The following FAR2 variants were observed in gnomAD, a reference collection of about 807,000 sequenced individuals.
FAR2 encodes the protein fatty acyl-CoA reductase 2.
In FAR2, 19 loss-of-function variants were observed where a neutral mutation model predicts 56.0. The observed-to-expected ratio is 0.34, with a 90% CI of 0.24 to 0.50. The LOEUF (loss-of-function observed/expected upper bound fraction) is 0.50, where lower values mean the gene tolerates loss of function less well. FAR2 is among the 20% of genes least tolerant of loss of function. The pLI, the probability that FAR2 is intolerant of heterozygous loss-of-function variation, is 0.98. For missense variants in FAR2, 508 were observed against 642.2 expected (o/e 0.79, Z 2.26); for synonymous variants, 219 against 218.8 (o/e 1.00, Z -0.01).
chr12:29,222,681 G>C (rs544226353), intron 1 of FAR2, among the ~76,000 whole-genome samples: 25 of 152,286 alleles, frequency 1.6e-4, no homozygotes, highest in African/African-American at 5.8e-4. Context: ...CTTTGCTAAA[G>C]CAGGGTTCAG....
intron 8 of FAR2, among the ~76,000 whole-genome samples, 170 bp from the exon 9 acceptor site, chr12:29,316,668 CAGA>C (rs1242792388): frequency 6.6e-6 from 1 of 152,182 alleles, no homozygotes; most frequent in Non-Finnish European, 1.5e-5. Context: ...TTTCAGTTTG[CAGA>C]TAACCATTTG....
chr12:29,268,843 A>T (rs995777082), intron 1 of FAR2, among the ~76,000 whole-genome samples: 5 of 152,122 alleles, frequency 3.3e-5, no homozygotes, highest in African/African-American at 7.2e-5. Flanking sequence ...AGGTTCCATG[A>T]TGCCCCACAA....
intron 1 of FAR2, among the ~76,000 whole-genome samples, chr12:29,242,925 G>A (rs978189758): frequency 1.1e-4 from 17 of 152,308 alleles, no homozygotes; most frequent in Admixed American, 5.2e-4. Flanking sequence ...ATAGTTATGT[G>A]GAACTAAATG....
rs575795990 is a variant in FAR2 at position 29,268,863 on chromosome 12, A to C, written c.-38-1549A>C. 1.7e-4 allele frequency among the ~76,000 whole-genome samples: 26 copies of C among 152,264 alleles called. 2 individuals carry two copies. In the South Asian group the frequency reaches 5.4e-3, roughly 32 times the overall value. ...CCATGATGCCCCACAAGCCGCAAAA[A>C]CCAGCAAGTTTTTATTAGGGATTTT... On this transcript the variant is annotated intron_variant, in intron 1 of 11. Transcript: ENST00000536681.
At chr12:29,180,481 A>G (rs1949981592) in intron 1 of FAR2, among the ~76,000 whole-genome samples, 1 of 152,126 alleles carries the variant, frequency 6.6e-6, no homozygotes, top group South Asian at 2.1e-4. Context: ...CTTCATGTTT[A>G]GGGAGTTCAC....
intron 1 of FAR2, among the ~76,000 whole-genome samples, chr12:29,168,918 C>G (rs559561619): frequency 6.6e-6 from 1 of 152,104 alleles, no homozygotes; most frequent in Non-Finnish European, 1.5e-5. Context: ...TTTTACAGAG[C>G]GTTGATTGGT....
chr12:29,307,395 A>G (rs1480938899), intron 4 of FAR2, among the ~76,000 whole-genome samples: 1 of 136,002 alleles, frequency 7.4e-6, no homozygotes, highest in Non-Finnish European at 1.6e-5. Context: ...CGGTCTATCT[A>G]CCTACCTGCC....
chr12:29,244,653 C>G (rs1481689412), intron 1 of FAR2, among the ~76,000 whole-genome samples: 1 of 152,158 alleles, frequency 6.6e-6, no homozygotes, highest in Non-Finnish European at 1.5e-5. Flanking sequence ...TGAGAGCTTC[C>G]CAGGCACTAG....
intron 1 of FAR2, among the ~76,000 whole-genome samples, chr12:29,217,063 C>A (rs1947629782): frequency 1.3e-5 from 2 of 152,094 alleles, no homozygotes; most frequent in South Asian, 2.1e-4. Context: ...ATAACTTACC[C>A]CTACCAGGCA....
intron 1 of FAR2, among the ~76,000 whole-genome samples, chr12:29,217,485 A>G (rs1468576509): frequency 1.3e-5 from 2 of 152,216 alleles, no homozygotes. Flanking sequence ...AAAGGCAGAG[A>G]GAGATTTCCA....
At chr12:29,301,282 TCTG>T (rs991595543) in intron 4 of FAR2, among the ~76,000 whole-genome samples, 2 of 152,186 alleles carry the variant, frequency 1.3e-5, no homozygotes, top group African/African-American at 4.8e-5. Flanking sequence ...GGCTCTTATA[TCTG>T]TAGTTGTCTT....
intron 10 of FAR2, among the ~76,000 whole-genome samples, chr12:29,325,203 T>C (rs1403013729): frequency 6.6e-6 from 1 of 152,154 alleles, no homozygotes; most frequent in Non-Finnish European, 1.5e-5. Flanking sequence ...GAGCTAACTA[T>C]CCTAAATATA....
chr12:29,158,164 T>A lies in FAR2; in HGVS notation c.-39+8757T>A, dbSNP rs117456668. ...GTAAATATTAATGAAACCAACTTGATGTCAGTAAATAATAATAAGTAAAAA... is the reference window on the plus strand; with the variant it reads ...GTAAATATTAATGAAACCAACTTGAAGTCAGTAAATAATAATAAGTAAAAA... On this transcript the variant is annotated intron_variant, in intron 1 of 11. Transcript: ENST00000536681. Among the ~76,000 whole-genome samples the A allele has an allele frequency of 5.1e-4, 77 of 152,360 alleles. No homozygotes were observed. The East Asian group carries it at 0.013, about 26-fold the overall frequency.
At chr12:29,154,229 A>T (rs978204172) in intron 1 of FAR2, among the ~76,000 whole-genome samples, 3 of 151,962 alleles carry the variant, frequency 2.0e-5, no homozygotes, top group African/African-American at 7.3e-5. Flanking sequence ...AACATAATTT[A>T]CTCCCCTGCT....
intron 7 of FAR2, 115 bp downstream of exon 7, chr12:29,311,261 C>A: frequency 1.4e-6 from 1 of 691,038 alleles, no homozygotes; most frequent in Non-Finnish European, 2.5e-6. Context: ...TGTGAAAGTG[C>A]GTATTTCAAT....
intron 9 of FAR2, among the ~76,000 whole-genome samples, chr12:29,320,684 G>C (rs1949536695): frequency 6.6e-6 from 1 of 152,318 alleles, no homozygotes; most frequent in South Asian, 2.1e-4. Context: ...ATGGGACCTT[G>C]AGCATAATCT....
At chr12:29,316,725 G>C (rs1949456594) in intron 8 of FAR2, 116 bp from the exon 9 acceptor site, 1 of 1,019,710 alleles carries the variant, frequency 9.8e-7, no homozygotes, top group Non-Finnish European at 1.4e-6. Context: ...ATTGATTCTT[G>C]ACTCTACACA....
At chr12:29,156,990 T>C (rs1949732906) in intron 1 of FAR2, 1 of 151,538 alleles carries the variant, frequency 6.6e-6, no homozygotes, top group Non-Finnish European at 1.5e-5. Flanking sequence ...GCCATATTGA[T>C]TGGAAGATTT....
intron 1 of FAR2, among the ~76,000 whole-genome samples, chr12:29,216,139 T>G (rs1263745525): frequency 6.6e-6 from 1 of 152,170 alleles, no homozygotes; most frequent in Non-Finnish European, 1.5e-5. Flanking sequence ...ATTTCCAGAG[T>G]GTTAGGAACT....
Sources: allele counts gnomAD v4.1 joint callset (sites outside exome capture counted in the v4.1 genomes callset), GRCh38; gene constraint gnomAD v4.1.1; transcripts MANE v1.5; gene names NCBI Gene and HGNC (gene_info 2026-07-23, HGNC 2026-07-21).